Variants in STK39 observed in about 807,000 individuals in gnomAD.
STK39 encodes serine/threonine kinase 39, also known as STE20/SPS1-related proline-alanine-rich protein kinase.
A neutral mutation model predicts 77.8 loss-of-function variants in STK39; 20 were observed. That is an observed-to-expected ratio of 0.26 (90% CI 0.18 to 0.37). The LOEUF is 0.37. Among genes scored for constraint, STK39 ranks in the 10% least tolerant of loss-of-function variants. STK39 has a pLI of 1.00. For synonymous variants in STK39, 246 were observed against 234.1 expected, an observed-to-expected ratio of 1.05 and a Z score of -0.47; for missense variants, 479 against 656.5, an observed-to-expected ratio of 0.73 and a Z score of 2.95.
chr2:168,020,510 T>C (rs1684543257), intron 14 of STK39, among the ~76,000 whole-genome samples: 1 of 151,984 alleles, frequency 6.6e-6, no homozygotes, highest in South Asian at 2.1e-4. Flanking sequence ...ATGGGCTCCC[T>C]GAAAGGGTCT....
chr2:167,962,503 A>G (rs560805457), intron 17 of STK39, among the ~76,000 whole-genome samples: 3 of 152,314 alleles, frequency 2.0e-5, no homozygotes, highest in African/African-American at 7.2e-5. Context: ...TTCGTTAACC[A>G]TCTTTATCTT....
At chr2:168,060,818 T>C (rs1685645175) in intron 14 of STK39, among the ~76,000 whole-genome samples, 1 of 152,216 alleles carries the variant, frequency 6.6e-6, no homozygotes, top group South Asian at 2.1e-4. Flanking sequence ...AACAACTGTA[T>C]CAAAGAACAC....
rs376399354 is a variant in STK39, at chr2:167,977,932, T to C, written c.1499-13206A>G. On this transcript the variant is annotated intron_variant, in intron 16 of 17. Transcript: ENST00000355999. ...TTGGGGTTGCAGTTTTTAAGGATAATTCTGAGGAAGGGGCTTGGGAAGTGG... is the reference window on the plus strand; with the variant it reads ...TTGGGGTTGCAGTTTTTAAGGATAACTCTGAGGAAGGGGCTTGGGAAGTGG... Among the ~76,000 whole-genome samples the C allele has an allele frequency of 2.4e-4, 37 of 152,326 alleles. 1 individual carries two copies. The highest frequency in any genetic ancestry group is 3.4e-3 in the Middle Eastern group (1 of 294).
At position 168,063,587 on chromosome 2, in the gene STK39, GCAAA is replaced by G. The variant is rs781095732; in HGVS notation, c.1306-21_1306-18del. 6.2e-6 allele frequency: 10 copies of G among 1,603,192 alleles called. No individual in the cohort carries two copies. The highest frequency in any genetic ancestry group is 1.1e-5 in the South Asian group (1 of 89,316). ...GGGTGGGCCCTTTAAAAAGAAAACA[GCAAA>G]CAGTGTTATAAACTGTATCAGGAAA... is the stretch of plus-strand genomic sequence containing the variant. On this transcript the variant is annotated intron_variant, in intron 13 of 17. Transcript: ENST00000355999.
chr2:168,124,005 CCTTGGGG>C (rs1687477320), intron 10 of STK39, among the ~76,000 whole-genome samples: 1 of 152,084 alleles, frequency 6.6e-6, no homozygotes, highest in Non-Finnish European at 1.5e-5. Context: ...GGGCCAAGGG[CCTTGGGG>C]CCTTGGCATG....
intron 10 of STK39, among the ~76,000 whole-genome samples, chr2:168,081,656 G>C (rs1194051261): frequency 2.0e-5 from 3 of 152,134 alleles, no homozygotes; most frequent in Non-Finnish European, 4.4e-5. Context: ...GGAGGGGCCA[G>C]GGGCAGAATG....
chr2:168,040,550 C>A (rs994821351), intron 14 of STK39, among the ~76,000 whole-genome samples: 1 of 152,110 alleles, frequency 6.6e-6, no homozygotes, highest in African/African-American at 2.4e-5. Flanking sequence ...AAAATTACTG[C>A]CATATAACCT....
At chr2:167,964,501 C>T (rs1692091441) in intron 17 of STK39, 161 bp downstream of exon 17, 1 of 636,858 alleles carries the variant, frequency 1.6e-6, no homozygotes, top group Non-Finnish European at 2.7e-6. Flanking sequence ...AGAAAACGTT[C>T]CCTAACGCTG....
chr2:168,206,302 C>CT (rs869096206), intron 1 of STK39, among the ~76,000 whole-genome samples: 2,125 of 141,680 alleles, frequency 0.015, 37 homozygotes, highest in African/African-American at 0.048. Context: ...TCTTTTCTTT[C>CT]TTTTTTTTTT....
chr2:168,064,423 A>C (rs1158876375), intron 13 of STK39, among the ~76,000 whole-genome samples: 1 of 152,098 alleles, frequency 6.6e-6, no homozygotes, highest in Non-Finnish European at 1.5e-5. Context: ...CCGAATCCTG[A>C]CTTGGCCTCT....
At chr2:168,161,432 G>A (rs138813700) in intron 5 of STK39, among the ~76,000 whole-genome samples, 126 of 152,238 alleles carry the variant, frequency 8.3e-4, no homozygotes, top group African/African-American at 2.9e-3. Context: ...TAATTGATGT[G>A]TATGATGTTT....
intron 10 of STK39, among the ~76,000 whole-genome samples, chr2:168,104,646 G>A (rs889722883): frequency 1.3e-5 from 2 of 152,092 alleles, no homozygotes; most frequent in African/African-American, 2.4e-5. Context: ...ATGTTTTCCA[G>A]GGCCACTAAT....
chr2:168,017,669 G>A (rs75190850), intron 14 of STK39, among the ~76,000 whole-genome samples: 10,167 of 151,696 alleles, frequency 0.067, 579 homozygotes, highest in East Asian at 0.2. Flanking sequence ...CACCACACCT[G>A]GCCAATATAA....
intron 10 of STK39, among the ~76,000 whole-genome samples, chr2:168,093,676 GCA>G (rs1212558762): frequency 1.3e-5 from 2 of 152,202 alleles, no homozygotes; most frequent in East Asian, 3.9e-4. Flanking sequence ...CACTTGCACA[GCA>G]CAGTCTGCCA....
At chr2:168,035,792 A>T (rs116202631) in intron 14 of STK39, among the ~76,000 whole-genome samples, 5,448 of 152,266 alleles carry the variant, frequency 0.036, 344 homozygotes, top group African/African-American at 0.12. Flanking sequence ...TGCTGTCCTT[A>T]AGATAATTCT....
intron 8 of STK39, among the ~76,000 whole-genome samples, chr2:168,134,913 G>A (rs369167928): frequency 2.0e-4 from 31 of 152,196 alleles, no homozygotes; most frequent in East Asian, 1.9e-3. Context: ...CTACATTTAG[G>A]CAAGAGAAAT....
At chr2:167,969,657 A>G (rs774302622) in intron 16 of STK39, among the ~76,000 whole-genome samples, 2 of 152,316 alleles carry the variant, frequency 1.3e-5, no homozygotes, top group Middle Eastern at 3.4e-3. Context: ...CCACATACGC[A>G]GAAACGAATG....
At chr2:168,030,878 T>G (rs938058503) in intron 14 of STK39, among the ~76,000 whole-genome samples, 2 of 152,240 alleles carry the variant, frequency 1.3e-5, no homozygotes, top group Non-Finnish European at 2.9e-5. Context: ...CCTAGGCATT[T>G]GCTAGGTTGT....
At chr2:168,213,049 G>A (rs750598803) in intron 1 of STK39, among the ~76,000 whole-genome samples, 35 of 152,154 alleles carry the variant, frequency 2.3e-4, no homozygotes, top group Non-Finnish European at 3.2e-4. Flanking sequence ...CCAGTGACTC[G>A]ACCCACAGAT....
Sources: allele counts gnomAD v4.1 joint callset (sites outside exome capture counted in the v4.1 genomes callset), GRCh38; gene constraint gnomAD v4.1.1; transcripts MANE v1.5; gene names NCBI Gene and HGNC (gene_info 2026-07-23, HGNC 2026-07-21).